Variants in NVL observed in about 807,000 individuals in gnomAD.
NVL encodes nuclear VCP like, also known as nuclear valosin-containing protein-like.
In NVL, 84 loss-of-function variants were observed where a neutral mutation model predicts 110.2. That is an observed-to-expected ratio of 0.76 (90% CI 0.64 to 0.91). NVL has a LOEUF of 0.91. NVL is among the 40% of genes least tolerant of loss of function. The pLI is 0.00. For synonymous variants in NVL, 354 were observed against 361.1 expected, an observed-to-expected ratio of 0.98 and a Z score of 0.22; for missense variants, 882 against 1,035.9, an observed-to-expected ratio of 0.85 and a Z score of 2.04.
At chr1:224,235,619 A>C (rs1443324003) in intron 20 of NVL, among the ~76,000 whole-genome samples, 1 of 151,112 alleles carries the variant, frequency 6.6e-6, no homozygotes, top group Non-Finnish European at 1.5e-5. Context: ...TCACTGCTAC[A>C]TTGGAAGGAC....
rs149838115 is a variant in NVL, at chr1:224,325,379, C to G, written c.131+1012G>C. Among the ~76,000 whole-genome samples the G allele has an allele frequency of 3.8e-3, 574 of 151,550 alleles. 3 individuals carry two copies. Among genetic ancestry groups the G allele is most frequent in the African/African-American group, 0.013 (539 of 41,300 alleles). On this transcript the variant is annotated intron_variant, in intron 2 of 22. Transcript: ENST00000281701. ...TTGAGGTCAGGTGTTCCAGACCAAC[C>G]TGGGCAAATACAGAAGGCCCTGTCT...
chr1:224,283,932 T>C (rs1373035920), intron 15 of NVL, among the ~76,000 whole-genome samples: 1 of 152,248 alleles, frequency 6.6e-6, no homozygotes, highest in Non-Finnish European at 1.5e-5. Flanking sequence ...CACAGCACTA[T>C]GGATATTTGA....
chr1:224,237,045 C>A (rs1660566940), intron 19 of NVL, among the ~76,000 whole-genome samples: 1 of 152,182 alleles, frequency 6.6e-6, no homozygotes, highest in Non-Finnish European at 1.5e-5. Context: ...GGCTAAGAAG[C>A]AGATTCCAAA....
intron 1 of NVL, among the ~76,000 whole-genome samples, chr1:224,328,789 G>A (rs569090901): frequency 6.6e-6 from 1 of 152,162 alleles, no homozygotes; most frequent in South Asian, 2.1e-4. Context: ...CAGATTTGAA[G>A]GAAGAAAAAA....
At chr1:224,245,978 G>C (rs1661772301) in intron 19 of NVL, among the ~76,000 whole-genome samples, 1 of 151,252 alleles carries the variant, frequency 6.6e-6, no homozygotes. Flanking sequence ...TCACAACTTT[G>C]TGCTTGGAAG....
chr1:224,247,668 C>CAAAAAAAAAAAAAAAAAAAAAAA (rs529233393), intron 19 of NVL, among the ~76,000 whole-genome samples: 1 of 145,814 alleles, frequency 6.9e-6, no homozygotes, highest in African/African-American at 2.5e-5. Context: ...CACTCTGTCT[C>CAAAAAAAAAAAAAAAAAAAAAAA]AAAAAAAAAA....
At chr1:224,245,255 G>T (rs1355251576) in intron 19 of NVL, among the ~76,000 whole-genome samples, 2 of 152,108 alleles carry the variant, frequency 1.3e-5, no homozygotes, top group African/African-American at 4.8e-5. Flanking sequence ...AACATACATG[G>T]GCAGGAAGTC....
At position 224,289,647 on chromosome 1, in the gene NVL, C is replaced by G; in HGVS notation, c.1412G>C (p.Gly471Ala). 7 of 1,614,224 alleles carry G rather than the reference C, an allele frequency of 4.3e-6. No homozygotes were observed. Among genetic ancestry groups the G allele is most frequent in the Non-Finnish European group, 5.9e-6 (7 of 1,180,048 alleles). Reference protein sequence around the residue: ...HLAHLTPGFVGADLMALCREA... With the variant: ...HLAHLTPGFVAADLMALCREA... Reference sequence around the variant, plus strand: ...TCGGCACAGTGCCATGAGATCAGCACCAACAAAGCCTGGAGTTAGGTGTGC... The same window carrying G: ...TCGGCACAGTGCCATGAGATCAGCAGCAACAAAGCCTGGAGTTAGGTGTGC... Residue 471 changes from glycine (G) to alanine (A), a missense_variant, in exon 13 of 23, where the codon GGT (glycine) becomes GCT (alanine). By Grantham distance (60) the Gly-to-Ala change is moderately conservative. Around this residue, in one of 4 missense-constraint regions of NVL, gnomAD observed 416 missense variants for 499.3 expected, o/e 0.83. Transcript: ENST00000281701.
At chr1:224,282,734 C>T (rs1211029691) in intron 15 of NVL, among the ~76,000 whole-genome samples, 2 of 152,174 alleles carry the variant, frequency 1.3e-5, no homozygotes, top group Admixed American at 6.5e-5. Flanking sequence ...TTCAAATCTA[C>T]CACTTCTAAA....
At chr1:224,227,782 G>T in intron 22 of NVL, 112 bp from the exon 23 acceptor site, 2 of 879,684 alleles carry the variant, frequency 2.3e-6, no homozygotes, top group Non-Finnish European at 3.5e-6. Flanking sequence ...CTCAGAATGT[G>T]ATTGTAACTG....
chr1:224,328,407 G>A (rs1456057906), intron 1 of NVL, among the ~76,000 whole-genome samples: 2 of 150,724 alleles, frequency 1.3e-5, no homozygotes, highest in Admixed American at 1.3e-4. Flanking sequence ...GTAATCCCAC[G>A]TACTCGGGAG....
Position 224,317,481 on chromosome 1 carries a change from A to C in NVL, c.284+213T>G, listed in dbSNP as rs34773594. Among the ~76,000 whole-genome samples, 559 of 152,300 alleles carry C rather than the reference A, an allele frequency of 3.7e-3. 4 individuals carry two copies. Among genetic ancestry groups the C allele is most frequent in the Middle Eastern group, 0.01 (3 of 294 alleles). The stretch of plus-strand genomic sequence containing the variant: ...TGTGGGAGTTTGTGAAAGGGAAATG[A>C]CACTCTAACTCAATAAAACCACCCA... On this transcript the variant is annotated intron_variant, in intron 4 of 22. Transcript: ENST00000281701.
rs553708189 is a variant in NVL at position 224,306,437 on chromosome 1, T to C, written c.616-1271A>G. On this transcript the variant is annotated intron_variant, in intron 6 of 22. Coordinates refer to ENST00000281701, the MANE Select transcript of NVL (RefSeq NM_002533.4). ...GCCCGCCATGACGCCTGGCTAACTT[T>C]TTGTATTTTTAGTAGAGACAGGGTT... Among the ~76,000 whole-genome samples, 30 of 152,210 alleles carry C rather than the reference T, an allele frequency of 2.0e-4. No homozygotes were observed. The South Asian group carries it at 6.2e-3, about 32-fold the overall frequency.
chr1:224,304,193 G>A (rs1558334235), intron 8 of NVL, among the ~76,000 whole-genome samples: 2 of 152,202 alleles, frequency 1.3e-5, no homozygotes, highest in Admixed American at 6.5e-5. Context: ...TTGGGAGGCT[G>A]AGGTGGGCAG....
intron 18 of NVL, among the ~76,000 whole-genome samples, chr1:224,254,877 G>GTT (rs34538115): frequency 2.1e-5 from 2 of 94,910 alleles, no homozygotes; most frequent in African/African-American, 3.6e-5. Context: ...AAATGGTGTA[G>GTT]TTTTTTTTTT....
chr1:224,301,664 C>T (rs961129601), intron 9 of NVL: 2 of 349,924 alleles, frequency 5.7e-6, no homozygotes, highest in Non-Finnish European at 1.1e-5. Flanking sequence ...GCCAGGCATG[C>T]TGATGCATGC....
intron 9 of NVL, chr1:224,301,920 C>T (rs2102690321): frequency 6.2e-6 from 1 of 160,986 alleles, no homozygotes; most frequent in South Asian, 1.4e-4. Context: ...TTTGGGAATC[C>T]TAACATACCA....
chr1:224,261,063 A>T (rs1439303567), intron 18 of NVL, among the ~76,000 whole-genome samples: 1 of 151,568 alleles, frequency 6.6e-6, no homozygotes, highest in Non-Finnish European at 1.5e-5. Flanking sequence ...TTTAGTAGAG[A>T]CGGGGTTTCA....
intron 9 of NVL, among the ~76,000 whole-genome samples, chr1:224,302,674 A>G (rs1290615005): frequency 1.3e-5 from 2 of 152,254 alleles, no homozygotes; most frequent in South Asian, 2.1e-4. Context: ...GTATAAGAAC[A>G]TGACTCTAAA....
Sources: allele counts gnomAD v4.1 joint callset (sites outside exome capture counted in the v4.1 genomes callset), GRCh38; gene constraint gnomAD v4.1.1; regional missense constraint gnomAD v4.1.1; transcripts MANE v1.5; gene names NCBI Gene and HGNC (gene_info 2026-07-23, HGNC 2026-07-21).